The following PTPRG variants were observed in gnomAD, a reference collection of about 807,000 sequenced individuals.
PTPRG encodes the protein protein tyrosine phosphatase receptor type G.
In PTPRG, 102 loss-of-function variants were observed where a neutral mutation model predicts 165.3. The observed-to-expected ratio is 0.62, with a 90% CI of 0.53 to 0.73. The LOEUF (loss-of-function observed/expected upper bound fraction) is 0.73. PTPRG is among the 30% of genes least tolerant of loss of function. The pLI, the probability that PTPRG is intolerant of heterozygous loss-of-function variation, is 0.00. For synonymous variants in PTPRG, 675 were observed against 669.5 expected (o/e 1.01, Z -0.13); for missense variants, 1,866 against 1,861.4 (o/e 1.00, Z -0.05).
At chr3:62,123,775 T>C (rs1270707562) in intron 5 of PTPRG, among the ~76,000 whole-genome samples, 1 of 152,138 alleles carries the variant, frequency 6.6e-6, no homozygotes. Context: ...TACACGGCAT[T>C]CAGTAGGCTT....
chr3:61,586,844 T>C, intron 1 of PTPRG, among the ~76,000 whole-genome samples: 1 of 152,244 alleles, frequency 6.6e-6, no homozygotes, highest in East Asian at 1.9e-4. Context: ...GTTCTCTCCC[T>C]GTTTATTCCT....
chr3:62,017,404 T>C lies in PTPRG; in HGVS notation c.519+13907T>C, dbSNP rs1392272525. 2.8e-5 allele frequency among the ~76,000 whole-genome samples: 4 copies of C among 145,012 alleles called. No individual in the cohort carries two copies. The Admixed American group carries it at 2.9e-4, about 11-fold the overall frequency. On this transcript the variant is annotated intron_variant, in intron 4 of 29. Coordinates refer to ENST00000474889, the MANE Select transcript of PTPRG (RefSeq NM_002841.4). ...GCTGTGAGGCTAAGCGTTAATCGTT[T>C]AGCTCAGAAAATGATTTTTTTTTTT...
At chr3:61,751,191 A>G (rs904206749) in intron 2 of PTPRG, 2 of 152,230 alleles carry the variant, frequency 1.3e-5, no homozygotes, top group Admixed American at 6.5e-5. Flanking sequence ...TTCATCACAG[A>G]CATTCCTTAG....
At chr3:61,958,808 G>T (rs771649744) in intron 2 of PTPRG, among the ~76,000 whole-genome samples, 15 of 152,142 alleles carry the variant, frequency 9.9e-5, no homozygotes, top group Non-Finnish European at 1.6e-4. Flanking sequence ...CCCTATAAAA[G>T]AACTCTCATT....
At chr3:62,015,209 G>A (rs982533765) in intron 4 of PTPRG, among the ~76,000 whole-genome samples, 3 of 152,232 alleles carry the variant, frequency 2.0e-5, no homozygotes, top group African/African-American at 4.8e-5. Context: ...AGGGCAGAGT[G>A]TCCTGGCCTC....
chr3:61,779,560 T>A (rs1270500996), intron 2 of PTPRG, among the ~76,000 whole-genome samples: 1 of 152,138 alleles, frequency 6.6e-6, no homozygotes, highest in Admixed American at 6.5e-5. Context: ...GGGATGTAGG[T>A]TATGTGAATG....
Position 62,203,551 on chromosome 3 carries a change from A to C in PTPRG, c.1756A>C (p.Ser586Arg). 1 of 1,552,970 alleles carries C rather than the reference A, an allele frequency of 6.4e-7. No individual in the cohort carries two copies. Among genetic ancestry groups the C allele is most frequent in the East Asian group, 2.4e-5 (1 of 40,956 alleles). ...GTEEGEKDEK[S>R]ESEDGEREHE... ...CGAGGAAGGAGAGAAGGATGAGAAA[A>C]GCGAGAGTGAGGATGGGGAGCGGGA... The change falls in exon 12 of 30, where the codon AGC becomes CGC. Residue 586 changes from serine to arginine, a missense_variant. Transcript: ENST00000474889. This position sits in a 1 kb window ranked among gnomAD's most constrained non-coding sequence, Gnocchi z 6.4.
intron 18 of PTPRG, 21 bp from the exon 19 acceptor site, chr3:62,267,664 T>G (rs750938060): frequency 5.6e-6 from 9 of 1,606,094 alleles, no homozygotes; most frequent in Admixed American, 1.7e-5. Flanking sequence ...TCATCTCACT[T>G]TGTGCTGTGT....
At chr3:61,664,940 TC>T (rs1702767146) in intron 1 of PTPRG, among the ~76,000 whole-genome samples, 1 of 152,252 alleles carries the variant, frequency 6.6e-6, no homozygotes, top group Admixed American at 6.5e-5. Context: ...GAACTGGACA[TC>T]CCCTGTTTTG....
At chr3:62,115,178 C>G (rs1475260927) in intron 5 of PTPRG, among the ~76,000 whole-genome samples, 10 of 152,162 alleles carry the variant, frequency 6.6e-5, no homozygotes, top group Admixed American at 6.5e-4. Context: ...AGTGACCTGA[C>G]TACCAACCAG....
intron 1 of PTPRG, among the ~76,000 whole-genome samples, chr3:61,586,077 T>C (rs1700427047): frequency 2.0e-5 from 3 of 152,184 alleles, no homozygotes; most frequent in Admixed American, 1.3e-4. Flanking sequence ...TGCATTTTGT[T>C]TTCTGCTTTT....
At chr3:62,079,923 A>G (rs1221219689) in intron 5 of PTPRG, among the ~76,000 whole-genome samples, 2 of 152,220 alleles carry the variant, frequency 1.3e-5, no homozygotes, top group Non-Finnish European at 2.9e-5. Context: ...ATTCCCAAAT[A>G]GTATGCATCT....
At chr3:61,659,223 G>C in intron 1 of PTPRG, 2 of 784,174 alleles carry the variant, frequency 2.6e-6, no homozygotes, top group South Asian at 1.2e-4. Flanking sequence ...CTCCATAGCC[G>C]TCAGCCTGAA....
intron 4 of PTPRG, among the ~76,000 whole-genome samples, chr3:62,019,169 T>A (rs1222802251): frequency 6.6e-6 from 1 of 152,196 alleles, no homozygotes; most frequent in Non-Finnish European, 1.5e-5. Context: ...CTGAGGTCCC[T>A]CTGCGACCTC....
chr3:62,078,576 A>T (rs887083589), intron 5 of PTPRG, among the ~76,000 whole-genome samples: 6 of 100,522 alleles, frequency 6.0e-5, no homozygotes, highest in Non-Finnish European at 8.4e-5. Context: ...AGACTGATAT[A>T]AAAAAAAAGG....
chr3:62,049,819 T>C (rs1487503582), intron 4 of PTPRG, among the ~76,000 whole-genome samples: 2 of 152,176 alleles, frequency 1.3e-5, no homozygotes, highest in African/African-American at 2.4e-5. Flanking sequence ...AACTGCTTGG[T>C]TGAAATAAAG....
intron 2 of PTPRG, among the ~76,000 whole-genome samples, chr3:61,894,511 A>G (rs1235130940): frequency 6.6e-6 from 1 of 152,088 alleles, no homozygotes. Flanking sequence ...GATCCATGCT[A>G]TGGTTTTTGA....
chr3:62,075,696 G>A (rs1005904953), intron 4 of PTPRG, among the ~76,000 whole-genome samples: 1 of 152,164 alleles, frequency 6.6e-6, no homozygotes, highest in Non-Finnish European at 1.5e-5. Context: ...AGTTAATTCA[G>A]TCATCAGAAC....
chr3:62,081,627 C>G (rs745983001), intron 5 of PTPRG, among the ~76,000 whole-genome samples: 8 of 152,192 alleles, frequency 5.3e-5, no homozygotes, highest in Admixed American at 6.5e-5. Flanking sequence ...TTATAGGCGT[C>G]AGCCACTGCG....
Sources: gnomAD v4.1 joint callset for allele counts (sites outside exome capture counted in the v4.1 genomes callset) on GRCh38, gnomAD v4.1.1 for gene constraint, Gnocchi (gnomAD v3.1) non-coding constraint, MANE v1.5 for transcripts, NCBI Gene and HGNC (gene_info 2026-07-23, HGNC 2026-07-21) for gene names.